The following NETO1 variants were observed in gnomAD, a reference collection of about 807,000 sequenced individuals.
The protein encoded by NETO1 is neuropilin and tolloid-like protein 1.
A neutral mutation model predicts 61.3 loss-of-function variants in NETO1; 26 were observed. That is an observed-to-expected ratio of 0.42 (90% CI 0.31 to 0.59). The LOEUF is 0.59. Ranked by LOEUF, NETO1 falls within the 20% of genes least tolerant of loss-of-function variation. The pLI, the probability that NETO1 is intolerant of heterozygous loss-of-function variation, is 0.12. For synonymous variants in NETO1, 225 were observed against 225.8 expected, an observed-to-expected ratio of 1.00 and a Z score of 0.03; for missense variants, 531 against 662.8, an observed-to-expected ratio of 0.80 and a Z score of 2.18.
intron 4 of NETO1, among the ~76,000 whole-genome samples, chr18:72,849,510 T>C (rs1214625669): frequency 6.6e-6 from 1 of 152,244 alleles, no homozygotes; most frequent in Non-Finnish European, 1.5e-5. Context: ...TAACAGTAAG[T>C]TTAAGGCAAT....
chr18:72,759,343 T>A (rs985795928), intron 7 of NETO1, among the ~76,000 whole-genome samples: 2 of 152,224 alleles, frequency 1.3e-5, no homozygotes, highest in African/African-American at 4.8e-5. Flanking sequence ...CTATTTCACA[T>A]GTAATTTTTA....
At chr18:72,851,957 A>T (rs769148511) in intron 4 of NETO1, among the ~76,000 whole-genome samples, 2 of 152,130 alleles carry the variant, frequency 1.3e-5, no homozygotes, top group Non-Finnish European at 2.9e-5. Flanking sequence ...TTTCTCTAGC[A>T]CTCTGCTCTC....
intron 7 of NETO1, among the ~76,000 whole-genome samples, chr18:72,767,374 C>T (rs2071202099): frequency 6.6e-6 from 1 of 152,070 alleles, no homozygotes; most frequent in Non-Finnish European, 1.5e-5. Context: ...AAATTTCCTG[C>T]CTTTATTCTT....
At chr18:72,800,215 T>C (rs72966378) in intron 4 of NETO1, among the ~76,000 whole-genome samples, 3,480 of 152,316 alleles carry the variant, frequency 0.023, 36 homozygotes, top group Middle Eastern at 0.034. Flanking sequence ...GAATGGACTT[T>C]AGCCATGCTA....
In NETO1 at chr18:72,861,271, G is replaced by A. The variant is rs534565557; in HGVS notation, c.221-2197C>T. Reference sequence around the variant, plus strand: ...TTTTCTTTTGGTCCAGCATGTTGAAGTTAATGACACACAACCAGAAATGAA... The same window carrying A: ...TTTTCTTTTGGTCCAGCATGTTGAAATTAATGACACACAACCAGAAATGAA... On this transcript the variant is annotated intron_variant, in intron 3 of 10. Transcript: ENST00000327305. Among the ~76,000 whole-genome samples, 9 of 152,204 alleles carry A rather than the reference G, an allele frequency of 5.9e-5. 1 individual carries two copies. In the South Asian group the frequency reaches 8.3e-4, roughly 14 times the overall value.
intron 4 of NETO1, chr18:72,834,054 T>C (rs2073664563): frequency 1.1e-6 from 1 of 888,408 alleles, no homozygotes; most frequent in Non-Finnish European, 1.3e-6. Flanking sequence ...ATACTCGTTT[T>C]ATTATTTAAA....
chr18:72,848,484 A>G (rs1305163661), intron 4 of NETO1, among the ~76,000 whole-genome samples: 1 of 152,216 alleles, frequency 6.6e-6, no homozygotes, highest in Non-Finnish European at 1.5e-5. Flanking sequence ...TTCAAGAAAT[A>G]TGTTACCGGC....
intron 4 of NETO1, among the ~76,000 whole-genome samples, chr18:72,802,037 G>GA (rs2072523795): frequency 6.6e-6 from 1 of 151,704 alleles, no homozygotes; most frequent in Non-Finnish European, 1.5e-5. Context: ...GAAAATATGA[G>GA]AAAATGTATC....
intron 7 of NETO1, among the ~76,000 whole-genome samples, chr18:72,758,554 A>G (rs2070864510): frequency 6.6e-6 from 1 of 152,158 alleles, no homozygotes; most frequent in Non-Finnish European, 1.5e-5. Flanking sequence ...AGCAATGTAG[A>G]GGCTGGGCGT....
At chr18:72,863,039 C>T (rs2074626717) in intron 3 of NETO1, among the ~76,000 whole-genome samples, 1 of 152,126 alleles carries the variant, frequency 6.6e-6, no homozygotes, top group Admixed American at 6.5e-5. Flanking sequence ...AGTTTATGTT[C>T]TTTTCCTTCA....
intron 7 of NETO1, among the ~76,000 whole-genome samples, chr18:72,756,970 T>C (rs1344772064): frequency 6.6e-6 from 1 of 152,186 alleles, no homozygotes; most frequent in Non-Finnish European, 1.5e-5. Flanking sequence ...ATATTTTAAG[T>C]GATCAGTCTT....
intron 3 of NETO1, among the ~76,000 whole-genome samples, chr18:72,861,041 C>T (rs1442947827): frequency 6.6e-6 from 1 of 152,170 alleles, no homozygotes; most frequent in Non-Finnish European, 1.5e-5. Flanking sequence ...AGCTAATTTA[C>T]TTAGAACTCT....
At chr18:72,865,695 G>A (rs1452987598) in intron 1 of NETO1, 9 of 1,543,976 alleles carry the variant, frequency 5.8e-6, no homozygotes, top group African/African-American at 1.4e-5. Context: ...CTGCAGTGTG[G>A]CTGTATTTTA....
At chr18:72,808,398 A>G (rs1011331785) in intron 4 of NETO1, among the ~76,000 whole-genome samples, 2 of 146,976 alleles carry the variant, frequency 1.4e-5, no homozygotes, top group South Asian at 4.4e-4. Context: ...ACAGGTTGGA[A>G]GCAGTGGTGG....
rs1173525475 is a variant in NETO1 at position 72,745,599 on chromosome 18, A to G, written c.*2580T>C. The G allele has an allele frequency of 6.6e-6, 1 of 152,176 alleles. No individual in the cohort carries two copies. The highest frequency in any genetic ancestry group is 1.5e-5 in the Non-Finnish European group (1 of 68,020). 9.4% of individuals were successfully genotyped at this position (152,176 alleles called of 1,614,324 possible). A position where few individuals can be genotyped will look rare whatever the true frequency, so the allele number is the denominator to read the frequency against. On this transcript the variant is annotated 3_prime_UTR_variant, in exon 11 of 11. Transcript: ENST00000327305. The stretch of plus-strand genomic sequence containing the variant: ...TCTTGAGACATCTCATTCCTTATCT[A>G]TGTGTGTCACCACCTTTAGAATGTG...
chr18:72,818,958 C>T (rs964334103), intron 4 of NETO1, among the ~76,000 whole-genome samples: 7 of 152,136 alleles, frequency 4.6e-5, no homozygotes, highest in African/African-American at 1.4e-4. Context: ...CTAAAACACA[C>T]ACGTTTAAAA....
In NETO1 at chr18:72,762,734, ATCAGACT is replaced by A. The variant is rs537324754; in HGVS notation, c.869-6594_869-6588del. ...TATTACCACAAGGTGGCGAACTTAC[ATCAGACT>A]TCAGTGAAGGAGCTTTTGACTCCCT... On this transcript the variant is annotated intron_variant, in intron 7 of 10. Transcript: ENST00000327305. Among the ~76,000 whole-genome samples the A allele has an allele frequency of 3.0e-3, 456 of 152,326 alleles. 2 individuals are homozygous for A. The highest frequency in any genetic ancestry group is 4.4e-3 in the Non-Finnish European group (300 of 68,038).
At chr18:72,755,038 A>G (rs2070741256) in intron 8 of NETO1, among the ~76,000 whole-genome samples, 1 of 152,314 alleles carries the variant, frequency 6.6e-6, no homozygotes, top group South Asian at 2.1e-4. Context: ...TTTCTTTCTG[A>G]AAAAAATAAA....
rs1216958824 is a variant in NETO1, at chr18:72,865,012, G to A, written c.83-67C>T. The A allele has an allele frequency of 2.6e-6, 4 of 1,516,112 alleles. No homozygotes were observed. The East Asian group carries it at 6.8e-5, about 26-fold the overall frequency. 93.9% of individuals were successfully genotyped at this position (1,516,112 alleles called of 1,614,324 possible). On this transcript the variant is annotated intron_variant, in intron 2 of 10. Transcript: ENST00000327305. ...AATTTTCTATTGTACTAAAAATAGA[G>A]GACATTCTTATAATATCCATTAGTA...
Sources: allele counts gnomAD v4.1 joint callset (sites outside exome capture counted in the v4.1 genomes callset), GRCh38; gene constraint gnomAD v4.1.1; transcripts MANE v1.5; gene names NCBI Gene and HGNC (gene_info 2026-07-23, HGNC 2026-07-21).